The following DLC1 variants were observed in gnomAD, a reference collection of about 807,000 sequenced individuals.
DLC1 encodes the protein rho GTPase-activating protein 7.
Under a neutral mutation model 140.3 loss-of-function variants are expected in DLC1, and 54 were observed. The observed-to-expected ratio is 0.38, with a 90% CI of 0.31 to 0.48. DLC1 has a LOEUF of 0.48. DLC1 is among the 20% of genes least tolerant of loss of function. The pLI is 0.96. For missense variants in DLC1, 2,536 were observed against 1,907.0 expected, an observed-to-expected ratio of 1.33 and a Z score of -6.14; for synonymous variants, 986 against 728.1, an observed-to-expected ratio of 1.35 and a Z score of -5.70.
At chr8:13,414,721 C>G (rs1425454338) in intron 2 of DLC1, among the ~76,000 whole-genome samples, 2 of 152,142 alleles carry the variant, frequency 1.3e-5, no homozygotes, top group Non-Finnish European at 2.9e-5. Context: ...TGAGTTAAAG[C>G]AAACATTCAG....
At chr8:13,381,574 G>A (rs770720570) in intron 4 of DLC1, among the ~76,000 whole-genome samples, 6 of 152,272 alleles carry the variant, frequency 3.9e-5, no homozygotes, top group Non-Finnish European at 8.8e-5. Context: ...TTTCACTCTG[G>A]AGGAACAAAG....
chr8:13,525,590 T>G (rs1383771563), intron 1 of DLC1, among the ~76,000 whole-genome samples: 3 of 152,190 alleles, frequency 2.0e-5, no homozygotes, highest in Non-Finnish European at 4.4e-5. Flanking sequence ...CGATTAGTAA[T>G]GTTGAGAATC....
At chr8:13,463,229 G>C (rs890306380) in intron 2 of DLC1, among the ~76,000 whole-genome samples, 7 of 152,026 alleles carry the variant, frequency 4.6e-5, no homozygotes, top group African/African-American at 1.7e-4. Flanking sequence ...CAGATTTGCA[G>C]TTCTTGTGGG....
At chr8:13,145,771 A>T (rs983847513) in intron 5 of DLC1, among the ~76,000 whole-genome samples, 1 of 152,224 alleles carries the variant, frequency 6.6e-6, no homozygotes, top group Non-Finnish European at 1.5e-5. Context: ...GCTAAAAATA[A>T]AGAGCTTACA....
chr8:13,534,158 T>G (rs1457983130), intron 1 of DLC1, among the ~76,000 whole-genome samples: 1 of 152,182 alleles, frequency 6.6e-6, no homozygotes, highest in African/African-American at 2.4e-5. Context: ...TTATAAAGTG[T>G]CAAATTTATG....
intron 1 of DLC1, among the ~76,000 whole-genome samples, chr8:13,528,649 A>G (rs979650801): frequency 1.3e-5 from 2 of 152,204 alleles, no homozygotes; most frequent in African/African-American, 4.8e-5. Context: ...AGACAAATGA[A>G]TCACAGAAAC....
intron 5 of DLC1, among the ~76,000 whole-genome samples, chr8:13,150,999 T>C (rs1221845788): frequency 6.6e-6 from 1 of 152,196 alleles, no homozygotes; most frequent in Non-Finnish European, 1.5e-5. Context: ...GGATAAGAGA[T>C]GTCTACAGAT....
At chr8:13,346,167 T>C (rs1034724179) in intron 4 of DLC1, among the ~76,000 whole-genome samples, 2 of 152,236 alleles carry the variant, frequency 1.3e-5, no homozygotes, top group African/African-American at 4.8e-5. Context: ...TGGGATTAGA[T>C]AGCCTTAACC....
At chr8:13,254,435 A>T (rs1830132179) in intron 5 of DLC1, among the ~76,000 whole-genome samples, 1 of 152,142 alleles carries the variant, frequency 6.6e-6, no homozygotes, top group African/African-American at 2.4e-5. Context: ...AACAAGAGAA[A>T]ATTTATTAGA....
chr8:13,537,581 C>G (rs1374148067), intron 1 of DLC1, among the ~76,000 whole-genome samples: 1 of 149,062 alleles, frequency 6.7e-6, no homozygotes, highest in Non-Finnish European at 1.5e-5. Context: ...GTGACAGTAA[C>G]TGTTGATGAC....
At chr8:13,381,986 A>G (rs1326237031) in intron 4 of DLC1, among the ~76,000 whole-genome samples, 1 of 152,188 alleles carries the variant, frequency 6.6e-6, no homozygotes, top group Non-Finnish European at 1.5e-5. Flanking sequence ...TACTGTTAGC[A>G]TAAGCCAGGT....
Position 13,094,802 on chromosome 8 carries a change from T to G in DLC1, c.3483A>C (p.Leu1161=), listed in dbSNP as rs1818369502. 1.9e-6 allele frequency: 3 copies of G among 1,614,218 alleles called. No individual in the cohort carries two copies. The highest frequency in any genetic ancestry group is 2.5e-6 in the Non-Finnish European group (3 of 1,180,036). The change falls in exon 12 of 18, where the codon CTA becomes CTC. Residue 1161 remains leucine (L), a synonymous_variant. Coordinates refer to ENST00000276297, the MANE Select transcript of DLC1 (RefSeq NM_182643.3). The part of the protein sequence containing the change: ...KQYFRDLPEP[L]MTNKLSETFL... Reference sequence around the variant, plus strand: ...AGGTTTCCGAGAGTTTGTTCGTCATTAGTGGCTCAGGAAGATCTCGAAAAT... The same window carrying G: ...AGGTTTCCGAGAGTTTGTTCGTCATGAGTGGCTCAGGAAGATCTCGAAAAT...
chr8:13,326,190 T>C (rs1833340895), intron 4 of DLC1, among the ~76,000 whole-genome samples: 1 of 152,198 alleles, frequency 6.6e-6, no homozygotes, highest in African/African-American at 2.4e-5. Context: ...GATGAGGATA[T>C]TAAAAATTAT....
chr8:13,432,539 C>A (rs1345957884), intron 2 of DLC1, among the ~76,000 whole-genome samples: 3 of 152,112 alleles, frequency 2.0e-5, no homozygotes, highest in African/African-American at 7.2e-5. Flanking sequence ...ATATTAAATT[C>A]TTTGCACTAA....
chr8:13,584,917 A>G lies in DLC1; in HGVS notation c.-126+19620T>C, dbSNP rs149677971. Among the ~76,000 whole-genome samples the G allele has an allele frequency of 2.5e-4, 38 of 152,236 alleles. No individual in the cohort carries two copies. In the East Asian group the frequency reaches 7.0e-3, roughly 28 times the overall value. On this transcript the variant is annotated intron_variant, in intron 1 of 1. Transcript: ENST00000631382. ...TGTCTATTATTTTCCTCCCCTCTTAATAAATCTCTTACACCTCTAATCCCA... is the reference window on the plus strand; with the variant it reads ...TGTCTATTATTTTCCTCCCCTCTTAGTAAATCTCTTACACCTCTAATCCCA...
rs151279199 is a variant in DLC1 at position 13,085,949 on chromosome 8, G to C, written c.4467-18C>G. 3.1e-6 allele frequency: 5 copies of C among 1,610,368 alleles called. No homozygotes were observed. In the South Asian group the frequency reaches 4.4e-5, roughly 14 times the overall value. On this transcript the variant is annotated intron_variant, in intron 17 of 17. Transcript: ENST00000276297. ...TGTGGCCCCTATCAGAGAAAAGAAA[G>C]AAAAGCTGATGAATTATTTAAGTTA...
intron 5 of DLC1, among the ~76,000 whole-genome samples, chr8:13,216,063 T>G (rs981466138): frequency 5.3e-5 from 8 of 152,310 alleles, no homozygotes; most frequent in Middle Eastern, 3.4e-3. Flanking sequence ...AAAGTGAACC[T>G]TCCGAAGAGT....
chr8:13,433,859 G>C (rs1010831431), intron 2 of DLC1, among the ~76,000 whole-genome samples: 1 of 152,060 alleles, frequency 6.6e-6, no homozygotes, highest in African/African-American at 2.4e-5. Context: ...TTTTGGTTTG[G>C]TTTTGTTTTT....
chr8:13,161,439 G>C (rs951358789), intron 5 of DLC1, among the ~76,000 whole-genome samples: 4 of 152,006 alleles, frequency 2.6e-5, no homozygotes, highest in African/African-American at 9.7e-5. Flanking sequence ...AGGATGGCTT[G>C]AGCCATCCTC....
Sources: allele counts gnomAD v4.1 joint callset (sites outside exome capture counted in the v4.1 genomes callset), GRCh38; gene constraint gnomAD v4.1.1; transcripts MANE v1.5; gene names NCBI Gene and HGNC (gene_info 2026-07-23, HGNC 2026-07-21).